AMD1: variants seen among roughly 807,000 people sequenced by gnomAD.
AMD1 encodes the protein adenosylmethionine decarboxylase 1.
Under a neutral mutation model 40.2 loss-of-function variants are expected in AMD1, and 11 were observed. The observed-to-expected ratio is 0.27, with a 90% CI of 0.17 to 0.45. The LOEUF (loss-of-function observed/expected upper bound fraction) is 0.45, where lower values mean the gene tolerates loss of function less well. Among genes scored for constraint, AMD1 ranks in the 20% least tolerant of loss-of-function variants. AMD1 has a pLI of 1.00. For missense variants in AMD1, 257 were observed against 410.2 expected (o/e 0.63, Z 3.23); for synonymous variants, 121 against 130.8 (o/e 0.93, Z 0.51).
the AMD1 span, among the ~76,000 whole-genome samples, chr6:110,849,453 G>A: frequency 7.9e-5 from 12 of 152,226 alleles, no homozygotes; most frequent in South Asian, 1.5e-3. Context: ...ATTAAAATTA[G>A]CATTAGTTTC....
the AMD1 span, among the ~76,000 whole-genome samples, chr6:110,841,520 A>T: frequency 6.6e-6 from 1 of 152,134 alleles, no homozygotes; most frequent in Non-Finnish European, 1.5e-5. Flanking sequence ...TTCGTAAGCA[A>T]CTTCCTCTTT....
chr6:110,841,728 C>G, the AMD1 span, among the ~76,000 whole-genome samples: 1 of 147,490 alleles, frequency 6.8e-6, no homozygotes, highest in South Asian at 2.2e-4. Flanking sequence ...TCCCATGCCC[C>G]CATTAAAAAA....
At chr6:110,827,021 C>T in the AMD1 span, among the ~76,000 whole-genome samples, 1 of 152,036 alleles carries the variant, frequency 6.6e-6, no homozygotes, top group African/African-American at 2.4e-5. Flanking sequence ...TCCACAGACA[C>T]TAGTCATAAT....
the AMD1 span, among the ~76,000 whole-genome samples, chr6:110,851,262 G>A: frequency 3.3e-5 from 5 of 152,032 alleles, no homozygotes; most frequent in East Asian, 9.7e-4. Flanking sequence ...CACCACGCCC[G>A]GCCTTTTCTT....
the AMD1 span, chr6:110,815,309 CG>C: frequency 1.6e-6 from 1 of 641,494 alleles, no homozygotes; most frequent in Non-Finnish European, 2.3e-6. Context: ...GACTCCTCGG[CG>C]GCCACAGCAG....
chr6:110,860,932 T>C, the AMD1 span, among the ~76,000 whole-genome samples: 1 of 151,790 alleles, frequency 6.6e-6, no homozygotes, highest in African/African-American at 2.4e-5. Context: ...CCCTTGCTTT[T>C]ATTAATTGGC....
Position 110,875,219 on chromosome 6 carries a change from G to T in AMD1, c.110+4G>T. The stretch of plus-strand genomic sequence containing the variant: ...GGGATCTTCGCACTATCCCAAGGTG[G>T]GTCCCCGGGGCGCTCGCTGACATCC... On this transcript the variant is annotated splice_donor_region_variant and intron_variant, in intron 1 of 8. Coordinates refer to ENST00000368885, the MANE Select transcript of AMD1 (RefSeq NM_001634.6). 6.2e-7 allele frequency: 1 copy of T among 1,600,020 alleles called. No homozygotes were observed. The highest frequency in any genetic ancestry group is 8.5e-7 in the Non-Finnish European group (1 of 1,173,554).
chr6:110,863,181 G>A, the AMD1 span, among the ~76,000 whole-genome samples: 3 of 151,744 alleles, frequency 2.0e-5, no homozygotes, highest in Non-Finnish European at 4.4e-5. Context: ...TCCTGATCTC[G>A]TGATCCGCCC....
the AMD1 span, among the ~76,000 whole-genome samples, chr6:110,832,572 A>C: frequency 2.6e-5 from 4 of 152,158 alleles, no homozygotes; most frequent in Non-Finnish European, 5.9e-5. Context: ...CATCTCTCCA[A>C]CCTTGTAGAC....
the AMD1 span, chr6:110,858,274 C>A: frequency 2.1e-6 from 2 of 958,284 alleles, no homozygotes; most frequent in Non-Finnish European, 3.3e-6. Context: ...ACCCCTCGTA[C>A]GGGCTGTCAG....
chr6:110,850,537 A>G, the AMD1 span, among the ~76,000 whole-genome samples: 16 of 152,178 alleles, frequency 1.1e-4, no homozygotes, highest in South Asian at 2.1e-4. Flanking sequence ...GTTCACTCCC[A>G]GAGTGCCTTG....
At chr6:110,850,640 G>A in the AMD1 span, among the ~76,000 whole-genome samples, 1 of 152,154 alleles carries the variant, frequency 6.6e-6, no homozygotes, top group Non-Finnish European at 1.5e-5. Context: ...TAGGAACCTA[G>A]GAAATTTGTG....
the AMD1 span, among the ~76,000 whole-genome samples, chr6:110,833,815 A>T: frequency 2.0e-5 from 3 of 152,004 alleles, no homozygotes; most frequent in African/African-American, 4.8e-5. Flanking sequence ...GGAGTTCGAG[A>T]CCAGCCTGGG....
the AMD1 span, among the ~76,000 whole-genome samples, chr6:110,851,565 C>T: frequency 3.9e-5 from 6 of 152,052 alleles, no homozygotes; most frequent in Non-Finnish European, 5.9e-5. Context: ...TGGGTTCAAG[C>T]GATTCTCCTG....
chr6:110,818,180 T>A, the AMD1 span, among the ~76,000 whole-genome samples: 1 of 152,070 alleles, frequency 6.6e-6, no homozygotes, highest in Non-Finnish European at 1.5e-5. Flanking sequence ...TTAATATAAG[T>A]AGAGAGTTTA....
Position 110,882,313 on chromosome 6 carries a change from C to G in AMD1, c.111-5192C>G, listed in dbSNP as rs111598029. Among the ~76,000 whole-genome samples, 101 of 152,284 alleles carry G rather than the reference C, an allele frequency of 6.6e-4. 1 individual carries two copies. The highest frequency in any genetic ancestry group is 6.8e-3 in the Middle Eastern group (2 of 294). ...ACCACTGAAAACCTTTCCTCCAAAA[C>G]AAGAGTCAGCAAACTTTCTGTAAAG... On this transcript the variant is annotated intron_variant, in intron 1 of 8. Transcript: ENST00000368885.
the AMD1 span, among the ~76,000 whole-genome samples, chr6:110,831,486 G>T: frequency 9.2e-5 from 14 of 151,860 alleles, no homozygotes; most frequent in African/African-American, 3.4e-4. Flanking sequence ...ATAGACACAG[G>T]GTCTCACTAT....
the AMD1 span, among the ~76,000 whole-genome samples, chr6:110,831,495 A>G: frequency 6.6e-6 from 1 of 151,966 alleles, no homozygotes; most frequent in African/African-American, 2.4e-5. Context: ...GGGTCTCACT[A>G]TGTTGCCCAG....
At chr6:110,879,176 C>A (rs1239249798) in intron 1 of AMD1, among the ~76,000 whole-genome samples, 1 of 151,846 alleles carries the variant, frequency 6.6e-6, no homozygotes, top group Non-Finnish European at 1.5e-5. Context: ...CCTGACTCTA[C>A]AAAAAAAATT....
Sources: allele counts gnomAD v4.1 joint callset (sites outside exome capture counted in the v4.1 genomes callset), GRCh38; gene constraint gnomAD v4.1.1; transcripts MANE v1.5; gene names NCBI Gene and HGNC (gene_info 2026-07-23, HGNC 2026-07-21).